Variants in TLE4 observed in about 807,000 individuals in gnomAD.
TLE4 encodes TLE family member 4, transcriptional corepressor, also known as transducin-like enhancer protein 4.
In TLE4, 8 loss-of-function variants were observed where a neutral mutation model predicts 92.8. The ratio of observed to expected loss-of-function variants is 0.09; its 90% CI spans 0.05 to 0.16. TLE4 has a LOEUF of 0.16. Ranked by LOEUF, TLE4 falls within the 10% of genes least tolerant of loss-of-function variation. The pLI is 1.00. For missense variants in TLE4, 675 were observed against 997.6 expected, an observed-to-expected ratio of 0.68 and a Z score of 4.36; for synonymous variants, 371 against 374.1, an observed-to-expected ratio of 0.99 and a Z score of 0.10.
chr9:79,595,260 C>T (rs768261663), intron 4 of TLE4, among the ~76,000 whole-genome samples: 18 of 152,234 alleles, frequency 1.2e-4, no homozygotes, highest in Middle Eastern at 3.4e-3. Flanking sequence ...TTATAGTTTG[C>T]GATTGGGGAA....
At chr9:79,666,019 T>G (rs1223175247) in intron 8 of TLE4, among the ~76,000 whole-genome samples, 1 of 152,112 alleles carries the variant, frequency 6.6e-6, no homozygotes, top group African/African-American at 2.4e-5. Context: ...GAAAGCACAA[T>G]TTTTTATGCC....
At position 79,606,289 on chromosome 9, in the gene TLE4, C is replaced by T. The variant is rs1164396104; in HGVS notation, c.253-6367C>T. Among the ~76,000 whole-genome samples the T allele has an allele frequency of 9.2e-5, 11 of 119,066 alleles. No homozygotes were observed. In the South Asian group the frequency reaches 2.8e-3, roughly 31 times the overall value. The allele number at this position is 119,066 out of a possible 152,430, so 78.1% of individuals were successfully genotyped here. On this transcript the variant is annotated intron_variant, in intron 4 of 19. Coordinates refer to ENST00000376552, the MANE Select transcript of TLE4 (RefSeq NM_007005.6). ...TTTACCAACTTGCTAGCTATACTGA[C>T]GATACCTTTGGTCTAAATCTTTAAG... is the stretch of plus-strand genomic sequence containing the variant.
intron 8 of TLE4, among the ~76,000 whole-genome samples, chr9:79,688,643 G>A (rs1053682523): frequency 1.8e-4 from 28 of 151,486 alleles, no homozygotes; most frequent in East Asian, 5.9e-4. Flanking sequence ...ATGTTTATAC[G>A]ATATTCTTCC....
intron 8 of TLE4, among the ~76,000 whole-genome samples, chr9:79,690,583 A>G (rs1418675853): frequency 6.6e-6 from 1 of 150,748 alleles, no homozygotes; most frequent in Admixed American, 6.6e-5. Flanking sequence ...GGATAGGAAT[A>G]TTCTTTTAGG....
intron 5 of TLE4, among the ~76,000 whole-genome samples, chr9:79,616,949 C>T (rs1417921175): frequency 6.6e-6 from 1 of 152,080 alleles, no homozygotes; most frequent in Non-Finnish European, 1.5e-5. Context: ...GAGAGTAAGC[C>T]CACCTTTACA....
At chr9:79,636,107 G>A (rs777777581) in intron 6 of TLE4, among the ~76,000 whole-genome samples, 21 of 152,028 alleles carry the variant, frequency 1.4e-4, no homozygotes, top group Non-Finnish European at 2.5e-4. Flanking sequence ...AGCAGCCAGA[G>A]TGACCTTCTT....
At chr9:79,625,853 G>A (rs938465184) in intron 5 of TLE4, among the ~76,000 whole-genome samples, 5 of 150,148 alleles carry the variant, frequency 3.3e-5, no homozygotes, top group Non-Finnish European at 7.4e-5. Context: ...GAATGGAATG[G>A]ACATATCTAT....
intron 8 of TLE4, among the ~76,000 whole-genome samples, chr9:79,700,180 G>T (rs1254120636): frequency 6.6e-6 from 1 of 152,162 alleles, no homozygotes; most frequent in Non-Finnish European, 1.5e-5. Flanking sequence ...ATGGTGTGTT[G>T]TTACCCCAGA....
intron 6 of TLE4, among the ~76,000 whole-genome samples, chr9:79,651,969 C>T (rs2059078347): frequency 6.6e-6 from 1 of 151,952 alleles, no homozygotes; most frequent in African/African-American, 2.4e-5. Flanking sequence ...TAAAAAAAGC[C>T]TTTTATGAGG....
chr9:79,725,090 C>T lies in TLE4; in HGVS notation c.2268C>T (p.Tyr756=), dbSNP rs1480762108. ...LSCDISVDDK[Y]IVTGSGDKKA... The stretch of plus-strand genomic sequence containing the variant: ...GTGACATCTCCGTGGACGACAAATA[C>T]ATTGTCACTGGCTCTGGGGATAAGA... Residue 756 remains tyrosine (Y), a synonymous_variant, in exon 20 of 20, where the codon TAC becomes TAT. Coordinates refer to ENST00000376552, the MANE Select transcript of TLE4 (RefSeq NM_007005.6). 1.2e-6 allele frequency: 2 copies of T among 1,613,928 alleles called. No individual in the cohort carries two copies. The highest frequency in any genetic ancestry group is 1.7e-5 in the Admixed American group (1 of 60,006).
At chr9:79,682,034 A>AT (rs1246304335) in intron 8 of TLE4, among the ~76,000 whole-genome samples, 1 of 152,116 alleles carries the variant, frequency 6.6e-6, no homozygotes, top group Non-Finnish European at 1.5e-5. Flanking sequence ...ATGTGGTGCC[A>AT]TAAAGAGGGC....
intron 14 of TLE4, among the ~76,000 whole-genome samples, chr9:79,717,121 C>T (rs1323548755): frequency 6.6e-6 from 1 of 152,172 alleles, no homozygotes; most frequent in African/African-American, 2.4e-5. Context: ...TTCTTTCCGT[C>T]CCCTTAGCTT....
At chr9:79,673,996 C>T (rs114000499) in intron 8 of TLE4, among the ~76,000 whole-genome samples, 1,589 of 152,164 alleles carry the variant, frequency 0.01, 29 homozygotes, top group African/African-American at 0.036. Context: ...TCTTCTTCCT[C>T]CTAATTACCC....
At chr9:79,618,809 A>G (rs958578289) in intron 5 of TLE4, among the ~76,000 whole-genome samples, 1 of 152,198 alleles carries the variant, frequency 6.6e-6, no homozygotes, top group African/African-American at 2.4e-5. Context: ...TTTCCCTTGC[A>G]TCAGTTATTT....
At chr9:79,640,313 AGTTT>A (rs1254484623) in intron 6 of TLE4, among the ~76,000 whole-genome samples, 2 of 152,186 alleles carry the variant, frequency 1.3e-5, no homozygotes, top group African/African-American at 4.8e-5. Context: ...ACCACAAGAT[AGTTT>A]GAGTTACTTT....
chr9:79,664,058 T>G (rs1205619487), intron 8 of TLE4, among the ~76,000 whole-genome samples: 1 of 152,204 alleles, frequency 6.6e-6, no homozygotes, highest in East Asian at 1.9e-4. Flanking sequence ...TTTAGTTTGT[T>G]CTTTTCTTGG....
At chr9:79,652,536 G>T (rs1587843046) in intron 6 of TLE4, 57 bp from the exon 7 acceptor site, 1 of 1,588,124 alleles carries the variant, frequency 6.3e-7, no homozygotes, top group African/African-American at 1.3e-5. Flanking sequence ...GTTTCTCTTG[G>T]GGCAGGGGTT....
chr9:79,656,761 T>TA (rs2059841324), intron 8 of TLE4, among the ~76,000 whole-genome samples: 2 of 152,230 alleles, frequency 1.3e-5, no homozygotes, highest in African/African-American at 4.8e-5. Context: ...TACAGATTGT[T>TA]AAACAGGGCA....
chr9:79,677,218 C>T (rs941212776), intron 8 of TLE4, among the ~76,000 whole-genome samples: 1 of 152,060 alleles, frequency 6.6e-6, no homozygotes, highest in Admixed American at 6.6e-5. Flanking sequence ...TTACTCAATT[C>T]TCAGTAAATG....
Sources: allele counts gnomAD v4.1 joint callset (sites outside exome capture counted in the v4.1 genomes callset), GRCh38; gene constraint gnomAD v4.1.1; transcripts MANE v1.5; gene names NCBI Gene and HGNC (gene_info 2026-07-23, HGNC 2026-07-21).